SLC25A36: variants seen among roughly 807,000 people sequenced by gnomAD.
SLC25A36 encodes the protein solute carrier family 25 member 36, also known as epididymis secretory sperm binding protein.
Under a neutral mutation model 35.3 loss-of-function variants are expected in SLC25A36, and 24 were observed. The ratio of observed to expected loss-of-function variants is 0.68; its 90% CI spans 0.49 to 0.96. The LOEUF (loss-of-function observed/expected upper bound fraction) is 0.96, where lower values mean the gene tolerates loss of function less well. Among genes scored for constraint, SLC25A36 ranks in the 40% least tolerant of loss-of-function variants. The pLI is 0.00. For missense variants in SLC25A36, 294 were observed against 381.1 expected, an observed-to-expected ratio of 0.77 and a Z score of 1.90; for synonymous variants, 141 against 132.2, an observed-to-expected ratio of 1.07 and a Z score of -0.46.
At chr3:140,945,889 G>C (rs1934150981) in intron 1 of SLC25A36, among the ~76,000 whole-genome samples, 1 of 152,138 alleles carries the variant, frequency 6.6e-6, no homozygotes, top group Non-Finnish European at 1.5e-5. Context: ...GTATGCCGAA[G>C]TGTGGTTCTG....
chr3:140,946,108 C>T (rs143742207), intron 1 of SLC25A36, among the ~76,000 whole-genome samples: 2 of 152,200 alleles, frequency 1.3e-5, no homozygotes, highest in African/African-American at 2.4e-5. Flanking sequence ...ATATCGACAA[C>T]CGGACAGCAA....
intron 5 of SLC25A36, among the ~76,000 whole-genome samples, chr3:140,971,539 G>C (rs1934902115): frequency 6.6e-6 from 1 of 152,170 alleles, no homozygotes; most frequent in Non-Finnish European, 1.5e-5. Context: ...GATGCACCAG[G>C]AAACAGTGGG....
intron 4 of SLC25A36, chr3:140,968,018 G>T: frequency 1.0e-6 from 1 of 984,940 alleles, no homozygotes; most frequent in Non-Finnish European, 1.2e-6. Context: ...ACCATTCCCA[G>T]TATCTTTGTG....
At chr3:140,955,829 C>CT (rs1414192638) in intron 1 of SLC25A36, among the ~76,000 whole-genome samples, 5 of 152,112 alleles carry the variant, frequency 3.3e-5, no homozygotes, top group Non-Finnish European at 2.9e-5. Flanking sequence ...GTAGCCAGGA[C>CT]TACATGCATG....
At chr3:140,962,456 A>C (rs1474094124) in intron 3 of SLC25A36, among the ~76,000 whole-genome samples, 6 of 152,216 alleles carry the variant, frequency 3.9e-5, no homozygotes, top group Non-Finnish European at 8.8e-5. Flanking sequence ...AATTTCACTC[A>C]GTGTTTACAA....
At position 140,978,812 on chromosome 3, in the gene SLC25A36, CA is replaced by C. The variant is rs1935118165; in HGVS notation, c.*2364del. ...TAGTTTATGTATGACAGAGATAATTCAAAAAGGAAAACTATATATAAAAGTT... is the reference window on the plus strand; with the variant it reads ...TAGTTTATGTATGACAGAGATAATTCAAAAGGAAAACTATATATAAAAGTT... On this transcript the variant is annotated 3_prime_UTR_variant, in exon 7 of 7. Transcript: ENST00000324194. 1.3e-5 allele frequency: 2 copies of C among 151,952 alleles called. No individual in the cohort carries two copies. The highest frequency in any genetic ancestry group is 2.9e-5 in the Non-Finnish European group (2 of 67,974). The allele number at this position is 151,952 out of a possible 1,614,324, so 9.4% of individuals were successfully genotyped here.
At position 140,974,021 on chromosome 3, in the gene SLC25A36, T is replaced by C; in HGVS notation, c.742+16T>C. The C allele has an allele frequency of 1.3e-6, 2 of 1,487,116 alleles. No individual in the cohort carries two copies. Among genetic ancestry groups the C allele is most frequent in the Non-Finnish European group, 1.8e-6 (2 of 1,110,936 alleles). The allele number at this position is 1,487,116 out of a possible 1,614,324, so 92.1% of individuals were successfully genotyped here. On this transcript the variant is annotated intron_variant, in intron 6 of 6. Coordinates refer to ENST00000324194, the MANE Select transcript of SLC25A36 (RefSeq NM_001104647.3). ...TATCCACATGGTAAGAAGAGTTATCTATTAAATCAGAAATATTTTCCCACC... is the reference window on the plus strand; with the variant it reads ...TATCCACATGGTAAGAAGAGTTATCCATTAAATCAGAAATATTTTCCCACC...
chr3:140,972,928 C>T (rs1452812183), intron 5 of SLC25A36: 1 of 152,034 alleles, frequency 6.6e-6, no homozygotes, highest in Non-Finnish European at 1.5e-5. Flanking sequence ...GCATTTAAAC[C>T]TGTCTCTTAT....
chr3:140,951,947 C>T (rs1296457159), intron 1 of SLC25A36, among the ~76,000 whole-genome samples: 1 of 152,046 alleles, frequency 6.6e-6, no homozygotes, highest in African/African-American at 2.4e-5. Flanking sequence ...GATCCTCTTA[C>T]CTTGACCTCC....
chr3:140,966,356 A>G (rs1190003795), intron 4 of SLC25A36: 6 of 327,300 alleles, frequency 1.8e-5, no homozygotes, highest in African/African-American at 8.9e-5. Context: ...AGAACACAAG[A>G]AATTAAATAC....
chr3:140,943,938 G>A (rs1258300988), intron 1 of SLC25A36, among the ~76,000 whole-genome samples: 1 of 151,978 alleles, frequency 6.6e-6, no homozygotes, highest in African/African-American at 2.4e-5. Context: ...TAAACACACA[G>A]ATTAGGAGCT....
At chr3:140,951,685 G>A (rs892622705) in intron 1 of SLC25A36, among the ~76,000 whole-genome samples, 1 of 151,800 alleles carries the variant, frequency 6.6e-6, no homozygotes, top group African/African-American at 2.4e-5. Flanking sequence ...AGTAGAGGTG[G>A]TGTTTCACCA....
chr3:140,942,027 A>G lies in SLC25A36; in HGVS notation c.-28A>G. On this transcript the variant is annotated 5_prime_UTR_variant, in exon 1 of 7. Transcript: ENST00000324194. ...GGCGGCCAGATCCGCGTCCCGCCTC[A>G]GCGGCCGGAGGACATGCGGGAGAGA... 1.4e-6 allele frequency: 2 copies of G among 1,379,928 alleles called. No homozygotes were observed. Among genetic ancestry groups the G allele is most frequent in the East Asian group, 2.7e-5 (1 of 36,454 alleles). 85.5% of individuals were successfully genotyped at this position (1,379,928 alleles called of 1,614,324 possible).
At position 140,977,442 on chromosome 3, in the gene SLC25A36, A is replaced by G. The variant is rs539480712; in HGVS notation, c.*989A>G. On this transcript the variant is annotated 3_prime_UTR_variant, in exon 7 of 7. Coordinates refer to ENST00000324194, the MANE Select transcript of SLC25A36 (RefSeq NM_001104647.3). ...AAAGTTTTGCCATTTTAAGGTGACA[A>G]TATTTGGGACAGTATAAATATTATA... The G allele has an allele frequency of 2.6e-5, 4 of 151,504 alleles. No individual in the cohort carries two copies. Among genetic ancestry groups the G allele is most frequent in the African/African-American group, 7.3e-5 (3 of 41,118 alleles). 9.4% of individuals were successfully genotyped at this position (151,504 alleles called of 1,614,324 possible).
chr3:140,941,863 G>A lies in SLC25A36; in HGVS notation c.-192G>A, dbSNP rs1453496185. On this transcript the variant is annotated 5_prime_UTR_variant, in exon 1 of 7. Transcript: ENST00000324194. ...CCTCTGGTGAAGGGCGGCGCGCTTA[G>A]GCAGGCGGTGGCGCGGCTGGAGTGC... The A allele has an allele frequency of 1.2e-5, 6 of 503,886 alleles. No homozygotes were observed. The highest frequency in any genetic ancestry group is 4.1e-5 in the African/African-American group (2 of 48,888). 31.2% of individuals were successfully genotyped at this position (503,886 alleles called of 1,614,324 possible).
At chr3:140,967,900 T>C in intron 4 of SLC25A36, 4 of 785,348 alleles carry the variant, frequency 5.1e-6, no homozygotes, top group Non-Finnish European at 6.2e-6. Context: ...TTCATTTTCA[T>C]GTTTCACTAG....
chr3:140,956,834 A>T, intron 2 of SLC25A36, 143 bp downstream of exon 2: 1 of 1,286,196 alleles, frequency 7.8e-7, no homozygotes, highest in Non-Finnish European at 1.0e-6. Flanking sequence ...ACTCATAAGG[A>T]ATGATAATCC....
intron 2 of SLC25A36, 71 bp from the exon 3 acceptor site, chr3:140,959,386 CTAACTT>C (rs902202518): frequency 4.9e-6 from 4 of 816,184 alleles, no homozygotes; most frequent in Non-Finnish European, 7.5e-6. Flanking sequence ...GATTTAGACT[CTAACTT>C]TATATACAAA....
At position 140,979,800 on chromosome 3, in the gene SLC25A36, T is replaced by C. The variant is rs1325570952; in HGVS notation, c.*3347T>C. 3 of 152,222 alleles carry C rather than the reference T, an allele frequency of 2.0e-5. No individual in the cohort carries two copies. Among genetic ancestry groups the C allele is most frequent in the African/African-American group, 7.2e-5 (3 of 41,470 alleles). The allele number at this position is 152,222 out of a possible 1,614,324, so 9.4% of individuals were successfully genotyped here. A position where few individuals can be genotyped will look rare whatever the true frequency, so the allele number is the denominator to read the frequency against. Reference sequence around the variant, plus strand: ...TAGTGAACCTCAAAAGTGTTAACTTTTGACTATTCATGTGAGGTTTGGTAT... The same window carrying C: ...TAGTGAACCTCAAAAGTGTTAACTTCTGACTATTCATGTGAGGTTTGGTAT... On this transcript the variant is annotated 3_prime_UTR_variant, in exon 7 of 7. Coordinates refer to ENST00000324194, the MANE Select transcript of SLC25A36 (RefSeq NM_001104647.3).
Sources: allele counts gnomAD v4.1 joint callset (sites outside exome capture counted in the v4.1 genomes callset), GRCh38; gene constraint gnomAD v4.1.1; transcripts MANE v1.5; gene names NCBI Gene and HGNC (gene_info 2026-07-23, HGNC 2026-07-21).